Variants in NEDD9 observed in about 807,000 individuals in gnomAD.
NEDD9 encodes neural precursor cell expressed, developmentally down-regulated 9, also known as enhancer of filamentation 1.
NEDD9 carries 26 observed loss-of-function variants against 76.6 expected under a neutral mutation model. The ratio of observed to expected loss-of-function variants is 0.34; its 90% CI spans 0.25 to 0.47. NEDD9 has a LOEUF of 0.47. NEDD9 is among the 20% of genes least tolerant of loss of function. The probability of loss-of-function intolerance (pLI) is 1.00; values close to 1 mark genes in which losing one functional copy is unlikely to be tolerated. For missense variants in NEDD9, 937 were observed against 1,058.5 expected, an observed-to-expected ratio of 0.89 and a Z score of 1.59; for synonymous variants, 392 against 414.2, an observed-to-expected ratio of 0.95 and a Z score of 0.65.
intron 5 of NEDD9, 92 bp from the exon 6 acceptor site, chr6:11,188,399 T>C: frequency 9.1e-7 from 1 of 1,104,492 alleles, no homozygotes; most frequent in Non-Finnish European, 1.4e-6. Context: ...ATACTCTTTA[T>C]TTTCCACTGC....
intron 3 of NEDD9, among the ~76,000 whole-genome samples, chr6:11,285,918 G>A (rs941220710): frequency 1.1e-4 from 16 of 152,140 alleles, no homozygotes; most frequent in Non-Finnish European, 5.9e-5. Context: ...GAAAATGTTT[G>A]TGACTTTGGG....
chr6:11,378,715 C>T (rs1763009337), intron 1 of NEDD9, among the ~76,000 whole-genome samples: 2 of 152,082 alleles, frequency 1.3e-5, no homozygotes, highest in African/African-American at 4.8e-5. Context: ...GTATCACTTT[C>T]CTTGGAAAGT....
At chr6:11,287,270 A>C (rs1448447522) in intron 3 of NEDD9, among the ~76,000 whole-genome samples, 1 of 152,116 alleles carries the variant, frequency 6.6e-6, no homozygotes, top group Non-Finnish European at 1.5e-5. Context: ...TCTACTAAAA[A>C]TACAAAAATC....
chr6:11,316,356 G>A (rs1761560990), intron 2 of NEDD9, among the ~76,000 whole-genome samples: 1 of 152,154 alleles, frequency 6.6e-6, no homozygotes, highest in Non-Finnish European at 1.5e-5. Context: ...ATCAAAGTCA[G>A]GATGGAGAGG....
At chr6:11,248,975 C>T in intron 3 of NEDD9, 1 of 388,152 alleles carries the variant, frequency 2.6e-6, no homozygotes, top group South Asian at 1.9e-5. Context: ...TCTCTCTCCC[C>T]AGAGTCCACA....
chr6:11,358,037 C>T (rs2113547327), intron 1 of NEDD9, among the ~76,000 whole-genome samples: 1 of 152,214 alleles, frequency 6.6e-6, no homozygotes, highest in East Asian at 1.9e-4. Flanking sequence ...ATCACGAGGT[C>T]AGGAGATCGA....
intron 3 of NEDD9, among the ~76,000 whole-genome samples, chr6:11,262,556 T>A (rs571036302): frequency 6.6e-6 from 1 of 152,208 alleles, no homozygotes; most frequent in Non-Finnish European, 1.5e-5. Context: ...TTATGTGTGG[T>A]TGGAACGGGG....
At chr6:11,271,494 CT>C (rs1760306725) in intron 3 of NEDD9, 1 of 152,282 alleles carries the variant, frequency 6.6e-6, no homozygotes, top group African/African-American at 2.4e-5. Context: ...AGCTCTTGCA[CT>C]TCTTGGAGGG....
Position 11,262,014 on chromosome 6 carries a change from T to C in NEDD9, c.12+43978A>G, listed in dbSNP as rs570145828. 1.4e-4 allele frequency among the ~76,000 whole-genome samples: 21 copies of C among 152,324 alleles called. No individual in the cohort carries two copies. In the South Asian group the frequency reaches 4.1e-3, roughly 30 times the overall value. On this transcript the variant is annotated intron_variant, in intron 3 of 3. Transcript: ENST00000397378. Reference sequence around the variant, plus strand: ...CAAATTCCTTAACTTTATCTGACTTTGGAGAATTTCTTTTAAAGAAACAGA... The same window carrying C: ...CAAATTCCTTAACTTTATCTGACTTCGGAGAATTTCTTTTAAAGAAACAGA...
chr6:11,246,905 G>A (rs1291649879), intron 3 of NEDD9, among the ~76,000 whole-genome samples: 2 of 152,064 alleles, frequency 1.3e-5, no homozygotes, highest in East Asian at 1.9e-4. Context: ...CAGAATGAAC[G>A]ACATGTGACT....
intron 2 of NEDD9, chr6:11,200,037 G>A (rs1758402784): frequency 5.4e-6 from 1 of 186,394 alleles, no homozygotes; most frequent in African/African-American, 2.4e-5. Flanking sequence ...TCAAACTTTG[G>A]GAGAAGAGTT....
intron 1 of NEDD9, among the ~76,000 whole-genome samples, chr6:11,349,287 G>A (rs576065950): frequency 6.6e-5 from 10 of 152,336 alleles, no homozygotes; most frequent in Non-Finnish European, 1.2e-4. Context: ...TTGCAAGATT[G>A]TGGAGAAAAG....
chr6:11,184,838 G>GTT lies in NEDD9; in HGVS notation c.*322_*323dup, dbSNP rs376554983. 2,402 of 195,002 alleles carry GTT rather than the reference G, an allele frequency of 0.012. 52 individuals carry two copies. The highest frequency in any genetic ancestry group is 0.054 in the African/African-American group (2,244 of 41,924). 12.1% of individuals were successfully genotyped at this position (195,002 alleles called of 1,614,324 possible). ...TTACTAAGGTGCTTCGTAATTCATG[G>GTT]TTTTTTTTTTAATGAAATGCATCAG... is the stretch of plus-strand genomic sequence containing the variant. On this transcript the variant is annotated 3_prime_UTR_variant, in exon 7 of 7. Coordinates refer to ENST00000379446, the MANE Select transcript of NEDD9 (RefSeq NM_006403.4).
intron 1 of NEDD9, among the ~76,000 whole-genome samples, chr6:11,369,957 A>G (rs1028260501): frequency 6.6e-6 from 1 of 152,222 alleles, no homozygotes; most frequent in African/African-American, 2.4e-5. Context: ...GTCGAACTCA[A>G]ATAGGGAGTG....
At chr6:11,287,647 C>A (rs1219472468) in intron 3 of NEDD9, among the ~76,000 whole-genome samples, 2 of 152,298 alleles carry the variant, frequency 1.3e-5, no homozygotes, top group Non-Finnish European at 1.5e-5. Context: ...CCTCTACGTA[C>A]TTTTCCTACA....
intron 1 of NEDD9, among the ~76,000 whole-genome samples, chr6:11,337,147 G>A (rs1323690796): frequency 6.6e-6 from 1 of 152,196 alleles, no homozygotes; most frequent in Non-Finnish European, 1.5e-5. Context: ...GAACCCAGGA[G>A]GCGGAGGTTG....
Position 11,213,294 on chromosome 6 carries a change from T to G in NEDD9, c.446A>C (p.His149Pro). ...TCATTTACTCACCTTTTTACCCACG[T>G]GGGGCCCACTGGTTCCCCCAATGCT... ...QRSIGGTSGP[H>P]VGKKVITPVR... The change falls in exon 2 of 7, where the codon CAC (histidine) becomes CCC (proline). Residue 149 changes from histidine to proline, a missense_variant. Physicochemically the swap from His to Pro is moderately conservative, Grantham distance 77 (BLOSUM62 -2). Coordinates refer to ENST00000379446, the MANE Select transcript of NEDD9 (RefSeq NM_006403.4). The surrounding 1 kb of genome is among the most constrained non-coding windows in gnomAD (Gnocchi z 5.4). The G allele has an allele frequency of 6.2e-7, 1 of 1,604,554 alleles. No homozygotes were observed. Among genetic ancestry groups the G allele is most frequent in the South Asian group, 1.1e-5 (1 of 90,908 alleles).
At chr6:11,331,705 C>T (rs1053382591) in intron 2 of NEDD9, among the ~76,000 whole-genome samples, 1 of 152,160 alleles carries the variant, frequency 6.6e-6, no homozygotes, top group African/African-American at 2.4e-5. Context: ...CCTGCCTGAT[C>T]ATGAATCTTT....
chr6:11,282,141 C>A (rs932629764), intron 3 of NEDD9, among the ~76,000 whole-genome samples: 12 of 152,170 alleles, frequency 7.9e-5, no homozygotes, highest in Non-Finnish European at 1.2e-4. Flanking sequence ...ACCTGTAGCA[C>A]AAGGTACTTT....
Sources: allele counts gnomAD v4.1 joint callset (sites outside exome capture counted in the v4.1 genomes callset), GRCh38; gene constraint gnomAD v4.1.1; non-coding constraint Gnocchi (gnomAD v3.1); transcripts MANE v1.5; gene names NCBI Gene and HGNC (gene_info 2026-07-23, HGNC 2026-07-21).